The following MME variants were observed in gnomAD, a reference collection of about 807,000 sequenced individuals.
MME encodes the protein neprilysin.
Under a neutral mutation model 113.2 loss-of-function variants are expected in MME, and 98 were observed. That is an observed-to-expected ratio of 0.87 (90% CI 0.74 to 1.02). MME has a LOEUF of 1.02. Among genes scored for constraint, MME ranks in the 50% least tolerant of loss-of-function variants. The probability of loss-of-function intolerance (pLI) is 0.00; values close to 1 mark genes in which losing one functional copy is unlikely to be tolerated. For synonymous variants in MME, 292 were observed against 300.6 expected (o/e 0.97, Z 0.30); for missense variants, 836 against 896.0 (o/e 0.93, Z 0.86).
chr3:155,094,168 G>A (rs16824558), intron 3 of MME, among the ~76,000 whole-genome samples: 12,719 of 152,174 alleles, frequency 0.084, 1,189 homozygotes, highest in African/African-American at 0.23. Context: ...TATGAGTAAC[G>A]GAGGCACAAT....
chr3:155,034,254 T>C (rs1713062186), intron 1 of MME, among the ~76,000 whole-genome samples: 1 of 152,198 alleles, frequency 6.6e-6, no homozygotes, highest in South Asian at 2.1e-4. Context: ...TCTCTGACCA[T>C]CAAAGAAACT....
rs1720946752 is a variant in MME at position 155,140,137 on chromosome 3, A to T, written c.856-54A>T. 6.2e-6 allele frequency: 8 copies of T among 1,288,346 alleles called. No individual in the cohort carries two copies. The South Asian group carries it at 1.0e-4, about 16-fold the overall frequency. The allele number at this position is 1,288,346 out of a possible 1,614,324, so 79.8% of individuals were successfully genotyped here. ...TATTTTTACCCTCATATGTAGTTAT[A>T]TTTTTCTAAAGAATTCTTAATTCTA... is the stretch of plus-strand genomic sequence containing the variant. On this transcript the variant is annotated intron_variant, in intron 9 of 22. Transcript: ENST00000360490.
At chr3:155,124,986 G>T (rs1036144358) in intron 8 of MME, among the ~76,000 whole-genome samples, 1 of 152,198 alleles carries the variant, frequency 6.6e-6, no homozygotes, top group Admixed American at 6.5e-5. Context: ...ACCTAAGCAA[G>T]CCTGGGCAAT....
At chr3:155,170,332 A>C (rs1472224897) in intron 20 of MME, among the ~76,000 whole-genome samples, 1 of 152,194 alleles carries the variant, frequency 6.6e-6, no homozygotes, top group East Asian at 1.9e-4. Context: ...GGTGTGAGCC[A>C]CTGTGCCTGA....
chr3:155,127,180 T>C (rs1719750111), intron 8 of MME, among the ~76,000 whole-genome samples: 1 of 152,092 alleles, frequency 6.6e-6, no homozygotes, highest in East Asian at 1.9e-4. Context: ...ACAAATACAG[T>C]AGCTCAAACA....
At chr3:155,176,667 A>G (rs1345393270) in intron 22 of MME, among the ~76,000 whole-genome samples, 3 of 152,066 alleles carry the variant, frequency 2.0e-5, no homozygotes, top group African/African-American at 7.2e-5. Context: ...CTCTATTAAA[A>G]ACAAAAAAAT....
At chr3:155,059,838 A>G (rs1298583481) in intron 1 of MME, among the ~76,000 whole-genome samples, 1 of 152,230 alleles carries the variant, frequency 6.6e-6, no homozygotes, top group Non-Finnish European at 1.5e-5. Flanking sequence ...GAAAAGATAT[A>G]CATACACATA....
chr3:155,116,590 G>GTGTATATATATA, intron 5 of MME, 31 bp downstream of exon 5: 2 of 1,239,226 alleles, frequency 1.6e-6, no homozygotes, highest in Middle Eastern at 2.1e-4. Flanking sequence ...TTCATTAGGA[G>GTGTATATATATA]TATATATATA....
At chr3:155,103,025 C>T (rs185251049) in intron 3 of MME, among the ~76,000 whole-genome samples, 31 of 152,296 alleles carry the variant, frequency 2.0e-4, no homozygotes, top group Admixed American at 8.5e-4. Context: ...GAATGGCCAA[C>T]GGAATGAATG....
chr3:155,169,784 A>G (rs1369574502), intron 20 of MME, among the ~76,000 whole-genome samples: 2 of 152,168 alleles, frequency 1.3e-5, no homozygotes, highest in Non-Finnish European at 2.9e-5. Flanking sequence ...TTTGTTCATT[A>G]TAGAAATGTT....
At chr3:155,038,687 A>G (rs1294011047) in intron 1 of MME, among the ~76,000 whole-genome samples, 2 of 152,182 alleles carry the variant, frequency 1.3e-5, no homozygotes, top group South Asian at 2.1e-4. Flanking sequence ...TGTGTACACT[A>G]TGCACAAACT....
At chr3:155,078,330 A>G (rs1714840561), upstream of MME, among the ~76,000 whole-genome samples, 1 of 152,214 alleles carries the variant, frequency 6.6e-6, no homozygotes, top group African/African-American at 2.4e-5. Flanking sequence ...AGGACTAAAT[A>G]GTGTCTGTAA....
intron 1 of MME, among the ~76,000 whole-genome samples, chr3:155,029,200 A>AT (rs1309623160): frequency 6.6e-6 from 1 of 152,118 alleles, no homozygotes; most frequent in Non-Finnish European, 1.5e-5. Flanking sequence ...AGGAAACCAA[A>AT]TTTTACTTTT....
At chr3:155,116,091 T>C (rs1718574244) in intron 4 of MME, among the ~76,000 whole-genome samples, 1 of 152,090 alleles carries the variant, frequency 6.6e-6, no homozygotes, top group Non-Finnish European at 1.5e-5. Flanking sequence ...TCAAAAAGAC[T>C]ATTCATACTA....
intron 1 of MME, among the ~76,000 whole-genome samples, chr3:155,038,264 G>A (rs1371887463): frequency 1.3e-5 from 2 of 152,080 alleles, no homozygotes; most frequent in Non-Finnish European, 1.5e-5. Flanking sequence ...GAGAGCTTAG[G>A]CCATGGCAGG....
intron 17 of MME, 66 bp from the exon 18 acceptor site, chr3:155,166,836 C>G: frequency 6.2e-7 from 1 of 1,604,196 alleles, no homozygotes; most frequent in Admixed American, 1.7e-5. Context: ...AGGACTGTCT[C>G]TAAGAAAATA....
intron 22 of MME, among the ~76,000 whole-genome samples, chr3:155,175,857 C>T (rs1189234294): frequency 6.6e-6 from 1 of 152,084 alleles, no homozygotes; most frequent in Non-Finnish European, 1.5e-5. Flanking sequence ...TCTGTTTCTT[C>T]CATTTCCCTT....
At chr3:155,158,667 G>A (rs903742196) in intron 16 of MME, 3 of 151,842 alleles carry the variant, frequency 2.0e-5, no homozygotes, top group Non-Finnish European at 4.4e-5. Flanking sequence ...GTTCTACATC[G>A]TTTCTGATCT....
chr3:155,053,339 G>T (rs1427443591), intron 1 of MME, among the ~76,000 whole-genome samples: 1 of 152,138 alleles, frequency 6.6e-6, no homozygotes, highest in Non-Finnish European at 1.5e-5. Flanking sequence ...AAGAAAAGAG[G>T]TTTAATTGAC....
Sources: gnomAD v4.1 joint callset for allele counts (sites outside exome capture counted in the v4.1 genomes callset) on GRCh38, gnomAD v4.1.1 for gene constraint, MANE v1.5 for transcripts, NCBI Gene and HGNC (gene_info 2026-07-23, HGNC 2026-07-21) for gene names.